The following ICE2 variants were observed in gnomAD, a reference collection of about 807,000 sequenced individuals.
ICE2 encodes little elongation complex subunit 2.
A neutral mutation model predicts 105.4 loss-of-function variants in ICE2; 87 were observed. That is an observed-to-expected ratio of 0.83 (90% CI 0.69 to 0.99). The LOEUF is 0.99. ICE2 is among the 50% of genes least tolerant of loss of function. The pLI is 0.00. For synonymous variants in ICE2, 399 were observed against 392.0 expected (o/e 1.02, Z -0.21); for missense variants, 1,323 against 1,146.7 (o/e 1.15, Z -2.22).
In ICE2 at chr15:60,428,573, A is replaced by AT; in HGVS notation, c.2675dup (p.His892GlnfsTer79). 6.2e-7 allele frequency: 1 copy of AT among 1,614,122 alleles called. No homozygotes were observed. Among genetic ancestry groups the AT allele is most frequent in the African/African-American group, 1.3e-5 (1 of 75,034 alleles). On this transcript the variant is annotated frameshift_variant, in exon 15 of 16. Transcript: ENST00000261520. LOFTEE classifies it high-confidence loss of function. ...TGGAAGGTACACCAGGAAGGCCGCA[A>AT]TGTGTTTTATACAAATTGTATGCTG... is the stretch of plus-strand genomic sequence containing the variant.
chr15:60,435,058 G>A (rs906879676), intron 13 of ICE2, among the ~76,000 whole-genome samples: 6 of 152,000 alleles, frequency 3.9e-5, no homozygotes, highest in African/African-American at 1.5e-4. Context: ...CGAGGCGGGT[G>A]GATCACGAGG....
chr15:60,427,523 C>T (rs1218106493), intron 15 of ICE2, among the ~76,000 whole-genome samples: 2 of 152,110 alleles, frequency 1.3e-5, no homozygotes, highest in African/African-American at 2.4e-5. Flanking sequence ...CAAGTTCAAG[C>T]GATTCTCCTG....
In ICE2 at chr15:60,419,974, G is replaced by A. The variant is rs1485240032; in HGVS notation, c.*3660C>T. 6.6e-6 allele frequency: 1 copy of A among 152,194 alleles called. No homozygotes were observed. The highest frequency in any genetic ancestry group is 1.5e-5 in the Non-Finnish European group (1 of 68,044). 9.4% of individuals were successfully genotyped at this position (152,194 alleles called of 1,614,324 possible). On this transcript the variant is annotated 3_prime_UTR_variant, in exon 16 of 16. Coordinates refer to ENST00000261520, the MANE Select transcript of ICE2 (RefSeq NM_024611.6). The stretch of plus-strand genomic sequence containing the variant: ...CGACTTACTAATCCTTCAGATGACT[G>A]CAGCCCTAGCCAAGAGCCTGACTGC...
At position 60,477,965 on chromosome 15, in the gene ICE2, T is replaced by C; in HGVS notation, c.13A>G (p.Met5Val). The change falls in exon 2 of 16, where the codon ATG becomes GTG. Residue 5 changes from methionine to valine, a missense_variant. Met to Val is a conservative substitution (Grantham distance 21, BLOSUM62 1). Coordinates refer to ENST00000261520, the MANE Select transcript of ICE2 (RefSeq NM_024611.6). Reference protein sequence around the residue: MSSKMVISEPGLNWD... With the variant: MSSKVVISEPGLNWD... Reference sequence around the variant, plus strand: ...TTCAGTCCTGGTTCACTTATGACCATCTTGGAGCTCATCTTCCTAGATTTC... The same window carrying C: ...TTCAGTCCTGGTTCACTTATGACCACCTTGGAGCTCATCTTCCTAGATTTC... 8.7e-6 allele frequency: 14 copies of C among 1,614,136 alleles called. No homozygotes were observed. Among genetic ancestry groups the C allele is most frequent in the Non-Finnish European group, 1.1e-5 (13 of 1,179,974 alleles).
intron 14 of ICE2, among the ~76,000 whole-genome samples, chr15:60,430,120 A>C (rs1382446270): frequency 6.6e-6 from 1 of 152,240 alleles, no homozygotes; most frequent in Non-Finnish European, 1.5e-5. Flanking sequence ...TTGCTAATCA[A>C]CTGATTTTAA....
At position 60,449,253 on chromosome 15, in the gene ICE2, C is replaced by T. The variant is rs763524268; in HGVS notation, c.1714G>A (p.Asp572Asn). ...ATGATTAAACACTCCTCATCTGTAT[C>T]ACTGCTGCAGAGAACTGTATCTTCA... Reference protein sequence around the residue: ...KTEDTVLCSSDTDEECLIIDT... With the variant: ...KTEDTVLCSSNTDEECLIIDT... Residue 572 changes from aspartate (D) to asparagine (N), a missense_variant, in exon 10 of 16, where the codon GAT (aspartate) becomes AAT (asparagine). Physicochemically the swap from Asp to Asn is conservative, Grantham distance 23. Transcript: ENST00000261520. 5 of 1,613,760 alleles carry T rather than the reference C, an allele frequency of 3.1e-6. No individual in the cohort carries two copies. In the East Asian group the frequency reaches 1.1e-4, roughly 36 times the overall value.
chr15:60,470,714 T>A (rs1041695682), intron 3 of ICE2, among the ~76,000 whole-genome samples: 1 of 152,232 alleles, frequency 6.6e-6, no homozygotes, highest in African/African-American at 2.4e-5. Context: ...ATAAATGAAC[T>A]GTATTCATTT....
chr15:60,459,129 A>C (rs1391484919), intron 5 of ICE2, among the ~76,000 whole-genome samples: 2 of 152,212 alleles, frequency 1.3e-5, no homozygotes, highest in African/African-American at 2.4e-5. Context: ...TACTTTACCA[A>C]AATGAAGGAG....
In ICE2 at chr15:60,456,689, C is replaced by T. The variant is rs2141097576; in HGVS notation, c.634G>A (p.Gly212Arg). The T allele has an allele frequency of 6.3e-7, 1 of 1,589,688 alleles. No homozygotes were observed. Among genetic ancestry groups the T allele is most frequent in the Non-Finnish European group, 8.5e-7 (1 of 1,169,618 alleles). Residue 212 changes from glycine (G) to arginine (R), a missense_variant, in exon 6 of 16, where the codon GGA becomes AGA. By Grantham distance (125) the Gly-to-Arg change is moderately radical. Transcript: ENST00000261520. ...MGFFPFRVEM[G>R]LKLEKTLLAL... Reference sequence around the variant, plus strand: ...AGAAGAGTTTTTTCTAACTTTAATCCCATCTCTACTCTGAATGGGAAGAAT... The same window carrying T: ...AGAAGAGTTTTTTCTAACTTTAATCTCATCTCTACTCTGAATGGGAAGAAT...
intron 4 of ICE2, among the ~76,000 whole-genome samples, chr15:60,466,973 C>CA (rs202128324): frequency 2.0e-5 from 3 of 151,826 alleles, no homozygotes; most frequent in African/African-American, 7.3e-5. Flanking sequence ...AAAATGCTGT[C>CA]AAAAAAAATT....
chr15:60,438,338 A>G (rs1226930360), intron 12 of ICE2: 1 of 152,224 alleles, frequency 6.6e-6, no homozygotes, highest in African/African-American at 2.4e-5. Context: ...TTAAAAATGC[A>G]CATAATTTAA....
intron 2 of ICE2, among the ~76,000 whole-genome samples, chr15:60,476,685 A>G (rs1200127161): frequency 6.6e-6 from 1 of 152,236 alleles, no homozygotes; most frequent in African/African-American, 2.4e-5. Flanking sequence ...CTCAAAGGTG[A>G]TATGATTTTT....
At chr15:60,454,978 T>A (rs770795269) in intron 8 of ICE2, 25 bp downstream of exon 8, 26 of 1,524,358 alleles carry the variant, frequency 1.7e-5, no homozygotes, top group Non-Finnish European at 1.7e-5. Context: ...TTTGAGAGCA[T>A]TATTTGACAT....
At chr15:60,468,363 A>T in intron 3 of ICE2, 41 bp from the exon 4 acceptor site, 1 of 1,473,244 alleles carries the variant, frequency 6.8e-7, no homozygotes, top group Non-Finnish European at 9.4e-7. Context: ...TGCTTTTCAC[A>T]TGAAGATTAC....
chr15:60,453,352 A>G (rs1422533076), intron 9 of ICE2: 1 of 1,249,258 alleles, frequency 8.0e-7, no homozygotes, highest in South Asian at 2.6e-5. Context: ...TTAACATAAA[A>G]TATCAAACTT....
Position 60,455,022 on chromosome 15 carries a change from A to T in ICE2, c.924T>A (p.Ile308=). The change falls in exon 8 of 16, where the codon ATT becomes ATA. Residue 308 remains isoleucine (I), a synonymous_variant. Coordinates refer to ENST00000261520, the MANE Select transcript of ICE2 (RefSeq NM_024611.6). ...ACAAACCTGCAACAGGTATTACTTG[A>T]ATACACACTGGAATTTCCCACTGTT... ...YKEQWEIPVC[I]QVIPVAGSKP... is the part of the protein sequence containing the mutation. 6.4e-7 allele frequency: 1 copy of T among 1,565,984 alleles called. No homozygotes were observed. The highest frequency in any genetic ancestry group is 8.6e-7 in the Non-Finnish European group (1 of 1,164,824).
chr15:60,446,415 A>T (rs2063823321), intron 11 of ICE2, among the ~76,000 whole-genome samples: 2 of 152,026 alleles, frequency 1.3e-5, no homozygotes, highest in South Asian at 4.1e-4. Context: ...ATTTTTTTTG[A>T]GATAGAGTCT....
chr15:60,453,853 G>A lies in ICE2; in HGVS notation c.944-69C>T, dbSNP rs1260091424. ...GTGATATATTTTTTAAAAACAGGAT[G>A]TATGACATGAGGATCACCAAACAAA... On this transcript the variant is annotated intron_variant, in intron 8 of 15. Coordinates refer to ENST00000261520, the MANE Select transcript of ICE2 (RefSeq NM_024611.6). 7 of 1,220,274 alleles carry A rather than the reference G, an allele frequency of 5.7e-6. No individual in the cohort carries two copies. In the African/African-American group the frequency reaches 7.6e-5, roughly 13 times the overall value. The allele number at this position is 1,220,274 out of a possible 1,614,324, so 75.6% of individuals were successfully genotyped here.
rs916563269 is a variant in ICE2, at chr15:60,462,741, C to G, written c.528+3853G>C. ...TGGCTCTCGCTCTCCCTCTCTCTCT[C>G]CCTCTATATACATATATATATATGT... On this transcript the variant is annotated intron_variant, in intron 5 of 15. Transcript: ENST00000261520. Among the ~76,000 whole-genome samples the G allele has an allele frequency of 2.0e-4, 30 of 152,150 alleles. 1 individual carries two copies. Among genetic ancestry groups the G allele is most frequent in the African/African-American group, 7.2e-4 (30 of 41,422 alleles).
Sources: allele counts gnomAD v4.1 joint callset (sites outside exome capture counted in the v4.1 genomes callset), GRCh38; gene constraint gnomAD v4.1.1; transcripts MANE v1.5; gene names NCBI Gene and HGNC (gene_info 2026-07-23, HGNC 2026-07-21).